The following TMC1 variants were observed in gnomAD, a reference collection of about 807,000 sequenced individuals.
The protein encoded by TMC1 is transmembrane channel-like protein 1.
Under a neutral mutation model 105.8 loss-of-function variants are expected in TMC1, and 84 were observed. The ratio of observed to expected loss-of-function variants is 0.79; its 90% confidence interval spans 0.67 to 0.95. The LOEUF (loss-of-function observed/expected upper bound fraction) is 0.95. TMC1 is among the 40% of genes least tolerant of loss of function. TMC1 has a pLI of 0.00. For missense variants in TMC1, 817 were observed against 914.1 expected (o/e 0.89, Z 1.37); for synonymous variants, 315 against 311.5 (o/e 1.01, Z -0.12).
intron 8 of TMC1, among the ~76,000 whole-genome samples, chr9:72,732,795 G>A (rs993341623): frequency 6.6e-6 from 1 of 152,154 alleles, no homozygotes; most frequent in African/African-American, 2.4e-5. Flanking sequence ...TTTACTTAGC[G>A]AATCCTCAGT....
chr9:72,767,734 TG>T (rs1474066820), intron 12 of TMC1, among the ~76,000 whole-genome samples: 8 of 152,188 alleles, frequency 5.3e-5, no homozygotes, highest in Admixed American at 5.2e-4. Flanking sequence ...ACTGGGAACT[TG>T]GCTCTGACTC....
chr9:72,524,663 T>A (rs1337570058), intron 1 of TMC1, among the ~76,000 whole-genome samples: 1 of 152,218 alleles, frequency 6.6e-6, no homozygotes, highest in Non-Finnish European at 1.5e-5. Flanking sequence ...ACACAAAATG[T>A]TGTATCCCAT....
chr9:72,554,274 T>G (rs1326545006), intron 1 of TMC1, among the ~76,000 whole-genome samples: 1 of 152,134 alleles, frequency 6.6e-6, no homozygotes, highest in Middle Eastern at 3.2e-3. Context: ...TAAACATTTT[T>G]TCCTTAAATT....
chr9:72,566,277 C>G (rs1310590848), intron 1 of TMC1, among the ~76,000 whole-genome samples: 1 of 152,186 alleles, frequency 6.6e-6, no homozygotes, highest in African/African-American at 2.4e-5. Flanking sequence ...CTTAAGTGAT[C>G]CTCTGGCTTT....
In TMC1 at chr9:72,549,318, A is replaced by G. The variant is rs139773777; in HGVS notation, c.-428+27405A>G. On this transcript the variant is annotated intron_variant, in intron 1 of 23. Coordinates refer to ENST00000297784, the MANE Select transcript of TMC1 (RefSeq NM_138691.3). ...CACTATGTTGCCCAGGCTGGCCTTG[A>G]ACTCCAGGGTTCAAGTGGATCCTCC... Among the ~76,000 whole-genome samples the G allele has an allele frequency of 7.9e-3, 1,202 of 152,262 alleles. 24 individuals carry two copies. The highest frequency in any genetic ancestry group is 0.027 in the African/African-American group (1,131 of 41,560).
intron 1 of TMC1, among the ~76,000 whole-genome samples, chr9:72,569,691 C>T (rs1054284636): frequency 6.6e-6 from 1 of 152,130 alleles, no homozygotes; most frequent in African/African-American, 2.4e-5. Context: ...GAGAGGCCAA[C>T]ATGGTGAGGT....
At position 72,557,231 on chromosome 9, in the gene TMC1, C is replaced by T. The variant is rs539470597; in HGVS notation, c.-427-20671C>T. On this transcript the variant is annotated intron_variant, in intron 1 of 23. Transcript: ENST00000297784. Reference sequence around the variant, plus strand: ...ACTAAAAATACAAACAATAGCCGGGCGTGGTGGCCCACACCTGTAATCCCA... The same window carrying T: ...ACTAAAAATACAAACAATAGCCGGGTGTGGTGGCCCACACCTGTAATCCCA... Among the ~76,000 whole-genome samples the T allele has an allele frequency of 2.9e-4, 44 of 152,126 alleles. No homozygotes were observed. The South Asian group carries it at 8.1e-3, about 28-fold the overall frequency.
At chr9:72,655,193 G>A (rs1825865677) in intron 5 of TMC1, among the ~76,000 whole-genome samples, 3 of 152,110 alleles carry the variant, frequency 2.0e-5, no homozygotes, top group Admixed American at 2.0e-4. Context: ...TGTGAAGCAG[G>A]TGCCTGTTTC....
chr9:72,614,708 T>G (rs1157911038), intron 2 of TMC1, among the ~76,000 whole-genome samples: 1 of 152,136 alleles, frequency 6.6e-6, no homozygotes, highest in Non-Finnish European at 1.5e-5. Flanking sequence ...GGAGACAGAG[T>G]CTTGCTCTGT....
intron 1 of TMC1, among the ~76,000 whole-genome samples, chr9:72,574,941 G>A (rs1824351012): frequency 6.6e-6 from 1 of 152,102 alleles, no homozygotes; most frequent in Non-Finnish European, 1.5e-5. Context: ...CTAGTACAGT[G>A]CCCCATGTTC....
Position 72,765,226 on chromosome 9 carries a change from G to A in TMC1, c.742-7187G>A, listed in dbSNP as rs1477191729. On this transcript the variant is annotated intron_variant, in intron 12 of 23. Transcript: ENST00000297784. ...AGAAAGATATGTTTGGGCTGGGCCA[G>A]CCCAGTTAATTCTTTCCCAGTTTAC... is the stretch of plus-strand genomic sequence containing the variant. 3.3e-5 allele frequency among the ~76,000 whole-genome samples: 5 copies of A among 152,228 alleles called. No individual in the cohort carries two copies. In the East Asian group the frequency reaches 9.7e-4, roughly 30 times the overall value.
chr9:72,667,810 C>T (rs1271029668), intron 5 of TMC1, among the ~76,000 whole-genome samples: 1 of 152,190 alleles, frequency 6.6e-6, no homozygotes, highest in African/African-American at 2.4e-5. Context: ...TTAAGAAGAG[C>T]CATTGATTTC....
intron 7 of TMC1, among the ~76,000 whole-genome samples, chr9:72,699,727 A>T (rs2589612): frequency 0.22 from 33,980 of 151,198 alleles, 4,112 homozygotes; most frequent in East Asian, 0.39. Context: ...GAGGCCGGGG[A>T]GGGTGGATCA....
At chr9:72,686,592 A>G (rs917776079) in intron 5 of TMC1, among the ~76,000 whole-genome samples, 7 of 152,232 alleles carry the variant, frequency 4.6e-5, no homozygotes, top group African/African-American at 1.7e-4. Context: ...TAGTGCTGCT[A>G]TTTGGTTCTT....
chr9:72,559,156 G>A (rs192987473), intron 1 of TMC1, among the ~76,000 whole-genome samples: 3 of 151,184 alleles, frequency 2.0e-5, no homozygotes, highest in Non-Finnish European at 4.4e-5. Flanking sequence ...GTGCAATGGC[G>A]CAATCTTGGC....
chr9:72,775,842 A>G lies in TMC1; in HGVS notation c.884+3287A>G, dbSNP rs78357805. The stretch of plus-strand genomic sequence containing the variant: ...AGGGGAACCAGCATGTGCAGAGATC[A>G]CGATGGTGAGATAGGAAGCAAAAGA... On this transcript the variant is annotated intron_variant, in intron 13 of 23. Coordinates refer to ENST00000297784, the MANE Select transcript of TMC1 (RefSeq NM_138691.3). Among the ~76,000 whole-genome samples, 30 of 152,280 alleles carry G rather than the reference A, an allele frequency of 2.0e-4. 1 individual carries two copies. Among genetic ancestry groups the G allele is most frequent in the African/African-American group, 7.0e-4 (29 of 41,560 alleles).
chr9:72,688,411 T>C (rs1037675897), intron 5 of TMC1, among the ~76,000 whole-genome samples: 6 of 152,092 alleles, frequency 3.9e-5, no homozygotes, highest in Non-Finnish European at 4.4e-5. Flanking sequence ...CAATACAGAA[T>C]TTATTTTGGT....
chr9:72,572,355 C>T (rs1047801936), intron 1 of TMC1, among the ~76,000 whole-genome samples: 1 of 151,878 alleles, frequency 6.6e-6, no homozygotes, highest in African/African-American at 2.4e-5. Context: ...ACCACCACAT[C>T]TGGTTAATTT....
intron 17 of TMC1, 130 bp downstream of exon 17, chr9:72,792,482 G>C (rs1238520353): frequency 9.3e-7 from 1 of 1,078,480 alleles, no homozygotes; most frequent in Non-Finnish European, 1.4e-6. Flanking sequence ...AATGTTGACT[G>C]TGTGCTGGCT....
Sources: allele counts gnomAD v4.1 joint callset (sites outside exome capture counted in the v4.1 genomes callset), GRCh38; gene constraint gnomAD v4.1.1; transcripts MANE v1.5; gene names NCBI Gene and HGNC (gene_info 2026-07-23, HGNC 2026-07-21).